SOX6: variants seen among roughly 807,000 people sequenced by gnomAD.
The protein encoded by SOX6 is transcription factor SOX-6.
Under a neutral mutation model 97.8 loss-of-function variants are expected in SOX6, and 11 were observed. That is an observed-to-expected ratio of 0.11 (90% confidence interval 0.07 to 0.19). The LOEUF (loss-of-function observed/expected upper bound fraction) is 0.19, where lower values mean the gene tolerates loss of function less well. SOX6 is among the 10% of genes least tolerant of loss of function. The probability of loss-of-function intolerance (pLI) is 1.00; values close to 1 mark genes in which losing one functional copy is unlikely to be tolerated. For missense variants in SOX6, 810 were observed against 1,039.5 expected (o/e 0.78, Z 3.04); for synonymous variants, 360 against 371.4 (o/e 0.97, Z 0.35).
intron 3 of SOX6, among the ~76,000 whole-genome samples, chr11:16,666,326 C>T (rs1847806817): frequency 6.6e-6 from 1 of 152,052 alleles, no homozygotes; most frequent in Admixed American, 6.6e-5. Context: ...CAAGATAACA[C>T]AGAGAAGAAA....
intron 3 of SOX6, among the ~76,000 whole-genome samples, chr11:16,294,566 T>C (rs1339866803): frequency 2.0e-5 from 3 of 152,096 alleles, no homozygotes; most frequent in African/African-American, 7.2e-5. Flanking sequence ...AAAACTCAAA[T>C]GCTAGAAAAA....
chr11:16,709,583 C>T (rs1030281320), intron 3 of SOX6, among the ~76,000 whole-genome samples: 1 of 152,088 alleles, frequency 6.6e-6, no homozygotes, highest in Non-Finnish European at 1.5e-5. Flanking sequence ...TCCTCCTTTG[C>T]CTTCCACTAT....
intron 3 of SOX6, among the ~76,000 whole-genome samples, chr11:16,650,852 G>C (rs1352915707): frequency 6.6e-6 from 1 of 151,504 alleles, no homozygotes; most frequent in Non-Finnish European, 1.5e-5. Flanking sequence ...TCTTTGAAAA[G>C]ATAAATAAAA....
intron 3 of SOX6, among the ~76,000 whole-genome samples, chr11:16,291,574 T>C (rs997218240): frequency 2.6e-5 from 4 of 151,960 alleles, no homozygotes; most frequent in Non-Finnish European, 2.9e-5. Flanking sequence ...AACTGAGTTA[T>C]TTACCATAAT....
intron 12 of SOX6, among the ~76,000 whole-genome samples, chr11:16,018,655 G>C (rs947004740): frequency 6.6e-6 from 1 of 152,052 alleles, no homozygotes; most frequent in Non-Finnish European, 1.5e-5. Context: ...TAATGTGTGT[G>C]CTAACAGTAA....
intron 4 of SOX6, among the ~76,000 whole-genome samples, chr11:16,517,549 A>G (rs749897808): frequency 1.3e-5 from 2 of 152,174 alleles, no homozygotes; most frequent in Non-Finnish European, 2.9e-5. Flanking sequence ...TTTTGCTTTC[A>G]TTCTCATATG....
intron 1 of SOX6, among the ~76,000 whole-genome samples, chr11:16,451,552 C>T (rs1446737800): frequency 6.6e-6 from 1 of 152,064 alleles, no homozygotes; most frequent in African/African-American, 2.4e-5. Flanking sequence ...CTCCCTTTGC[C>T]GTTAGTAATA....
At position 16,066,901 on chromosome 11, in the gene SOX6, G is replaced by A. The variant is rs142867584; in HGVS notation, c.1102-11000C>T. Among the ~76,000 whole-genome samples, 659 of 152,294 alleles carry A rather than the reference G, an allele frequency of 4.3e-3. 7 individuals carry two copies. The highest frequency in any genetic ancestry group is 0.02 in the Middle Eastern group (6 of 294). The stretch of plus-strand genomic sequence containing the variant: ...CCACCTTTTGCATCAGTTTGACCTA[G>A]ATGTGGGACATGGAGTCAAAGAAGA... On this transcript the variant is annotated intron_variant, in intron 9 of 15. Coordinates refer to ENST00000683767, the MANE Select transcript of SOX6 (RefSeq NM_001367873.1).
At chr11:16,533,919 A>T (rs1305380990) in intron 4 of SOX6, among the ~76,000 whole-genome samples, 1 of 152,162 alleles carries the variant, frequency 6.6e-6, no homozygotes, top group Non-Finnish European at 1.5e-5. Context: ...AACAAATAAC[A>T]CTACATCTGT....
At chr11:16,094,504 G>C (rs1194907088) in intron 9 of SOX6, among the ~76,000 whole-genome samples, 1 of 151,910 alleles carries the variant, frequency 6.6e-6, no homozygotes, top group Non-Finnish European at 1.5e-5. Flanking sequence ...AAACAGAAAA[G>C]TCCAGCAGGA....
chr11:16,639,079 C>T (rs749578997), intron 3 of SOX6, among the ~76,000 whole-genome samples: 6 of 150,888 alleles, frequency 4.0e-5, no homozygotes, highest in Non-Finnish European at 8.9e-5. Flanking sequence ...TTTAATCCAT[C>T]TTAATTTTTG....
At chr11:16,003,603 G>T (rs1176297163) in intron 13 of SOX6, among the ~76,000 whole-genome samples, 5 of 151,986 alleles carry the variant, frequency 3.3e-5, no homozygotes, top group Non-Finnish European at 7.4e-5. Context: ...GATGGCATAA[G>T]GTAAATACTC....
intron 1 of SOX6, among the ~76,000 whole-genome samples, chr11:16,347,340 T>C (rs573837468): frequency 1.3e-5 from 2 of 152,262 alleles, no homozygotes; most frequent in South Asian, 2.1e-4. Flanking sequence ...CCAATAACTT[T>C]TTGGAATTTT....
intron 3 of SOX6, among the ~76,000 whole-genome samples, chr11:16,714,040 A>G (rs1361055918): frequency 6.6e-6 from 1 of 152,242 alleles, no homozygotes; most frequent in Non-Finnish European, 1.5e-5. Flanking sequence ...AAAAACATCT[A>G]TGCCTCCATT....
intron 1 of SOX6, among the ~76,000 whole-genome samples, chr11:16,411,374 G>A (rs1338316817): frequency 6.6e-6 from 1 of 152,028 alleles, no homozygotes; most frequent in Non-Finnish European, 1.5e-5. Context: ...ACACCCAAGG[G>A]ACTTAAATCT....
intron 1 of SOX6, among the ~76,000 whole-genome samples, chr11:16,383,336 C>T (rs1045825569): frequency 6.6e-6 from 1 of 151,914 alleles, no homozygotes; most frequent in Non-Finnish European, 1.5e-5. Flanking sequence ...CAAGGAAATA[C>T]ATTAAAGCTT....
chr11:16,167,933 T>C (rs960388950), intron 6 of SOX6, among the ~76,000 whole-genome samples: 8 of 152,186 alleles, frequency 5.3e-5, no homozygotes, highest in African/African-American at 1.9e-4. Flanking sequence ...AGAGCAGGGA[T>C]TTTTGTAGAT....
chr11:16,029,959 T>C (rs529532926), intron 12 of SOX6, among the ~76,000 whole-genome samples: 2 of 152,302 alleles, frequency 1.3e-5, no homozygotes, highest in South Asian at 4.1e-4. Context: ...CCTGATTAAA[T>C]AAAACTCATA....
intron 4 of SOX6, among the ~76,000 whole-genome samples, chr11:16,189,814 T>C (rs529947855): frequency 3.8e-4 from 57 of 148,626 alleles, no homozygotes; most frequent in East Asian, 7.7e-4. Flanking sequence ...TAAGAGAAGG[T>C]TTATTGGATA....
Sources: allele counts gnomAD v4.1 joint callset (sites outside exome capture counted in the v4.1 genomes callset), GRCh38; gene constraint gnomAD v4.1.1; transcripts MANE v1.5; gene names NCBI Gene and HGNC (gene_info 2026-07-23, HGNC 2026-07-21).